The following ZAP70 variants were observed in gnomAD, a reference collection of about 807,000 sequenced individuals.
ZAP70 encodes the protein zeta chain of T cell receptor associated protein kinase 70.
ZAP70 carries 27 observed loss-of-function variants against 65.8 expected under a neutral mutation model. The ratio of observed to expected loss-of-function variants is 0.41; its 90% CI spans 0.30 to 0.57. The LOEUF is 0.57. ZAP70 is among the 20% of genes least tolerant of loss of function. ZAP70 has a pLI of 0.28. For synonymous variants in ZAP70, 363 were observed against 360.8 expected (o/e 1.01, Z -0.07); for missense variants, 696 against 870.5 (o/e 0.80, Z 2.52).
Position 97,737,933 on chromosome 2 carries a change from G to C in ZAP70, c.1623+36G>C, listed in dbSNP as rs1677972850. 7 of 1,614,046 alleles carry C rather than the reference G, an allele frequency of 4.3e-6. No individual in the cohort carries two copies. The East Asian group carries it at 1.3e-4, about 31-fold the overall frequency. On this transcript the variant is annotated intron_variant, in intron 12 of 13. Coordinates refer to ENST00000264972, the MANE Select transcript of ZAP70 (RefSeq NM_001079.4). The surrounding 1 kb of genome is among the most constrained non-coding windows in gnomAD (Gnocchi z 5.0). ...GCAGAGGCAGGTGGGCGGTGTGGTG[G>C]GGAGGGGGATGAGGAGGAGGACACT...
chr2:97,738,462 A>T (rs1573291194), intron 13 of ZAP70: 2 of 359,084 alleles, frequency 5.6e-6, no homozygotes, highest in African/African-American at 2.1e-5. Context: ...CCAGTACCCA[A>T]CACTCCAGTC....
the ZAP70 span, among the ~76,000 whole-genome samples, chr2:97,755,653 C>A: frequency 6.6e-6 from 1 of 152,220 alleles, no homozygotes; most frequent in Admixed American, 6.5e-5. Flanking sequence ...TGCTGTGTTG[C>A]TGCTGGTAAG....
At chr2:97,717,345 GGACATGCGGAGCCTCTGGCTGGGGA>G (rs1245987112) in intron 2 of ZAP70, among the ~76,000 whole-genome samples, 3,692 of 148,412 alleles carry the variant, frequency 0.025, 143 homozygotes, top group African/African-American at 0.076. Context: ...CTGGCTGGGG[GGACATGCGGAGCCTCTGGCTGGGGA>G]GACATGCGGA....
At chr2:97,756,023 T>C in the ZAP70 span, among the ~76,000 whole-genome samples, 2 of 152,248 alleles carry the variant, frequency 1.3e-5, no homozygotes, top group Admixed American at 6.5e-5. Context: ...GCCAGGTACC[T>C]GACAGAGTCA....
intron 3 of ZAP70, chr2:97,724,828 A>C: frequency 2.0e-6 from 3 of 1,516,778 alleles, no homozygotes; most frequent in Non-Finnish European, 2.6e-6. Context: ...CCTGAGTGAC[A>C]CCACCATGCA....
chr2:97,735,705 G>C (rs1166510102), intron 10 of ZAP70, among the ~76,000 whole-genome samples: 1 of 152,218 alleles, frequency 6.6e-6, no homozygotes, highest in Non-Finnish European at 1.5e-5. Flanking sequence ...GATCGAATGA[G>C]TCGGCACCTA....
rs55852368 is a variant in ZAP70, at chr2:97,733,228, G to A, written c.790+16G>A. Reference sequence around the variant, plus strand: ...AACGCCTCAGGTGACGGCAGCAGGCGGGCGGGCGGTGGGCGGGGGCGGCAG... The same window carrying A: ...AACGCCTCAGGTGACGGCAGCAGGCAGGCGGGCGGTGGGCGGGGGCGGCAG... On this transcript the variant is annotated intron_variant, in intron 6 of 13. Coordinates refer to ENST00000264972, the MANE Select transcript of ZAP70 (RefSeq NM_001079.4). 1.4e-5 allele frequency: 22 copies of A among 1,611,168 alleles called. No individual in the cohort carries two copies. The highest frequency in any genetic ancestry group is 2.2e-5 in the South Asian group (2 of 90,892).
rs1257269135 is a variant in ZAP70 at position 97,736,414 on chromosome 2, C to T, written c.1289+958C>T. Among the ~76,000 whole-genome samples, 1 of 152,226 alleles carries T rather than the reference C, an allele frequency of 6.6e-6. No individual in the cohort carries two copies. Among genetic ancestry groups the T allele is most frequent in the African/African-American group, 2.4e-5 (1 of 41,462 alleles). On this transcript the variant is annotated intron_variant, in intron 10 of 13. Coordinates refer to ENST00000264972, the MANE Select transcript of ZAP70 (RefSeq NM_001079.4). This position sits in a 1 kb window ranked among gnomAD's most constrained non-coding sequence, Gnocchi z 4.0. The stretch of plus-strand genomic sequence containing the variant: ...ACCTTCCCAGTGTGCCCCTGGCTCC[C>T]ACATTCAGTCATTTGACAGGTGTTT...
the ZAP70 span, among the ~76,000 whole-genome samples, chr2:97,755,692 C>T: frequency 2.6e-5 from 4 of 152,188 alleles, no homozygotes; most frequent in Non-Finnish European, 4.4e-5. Context: ...AGAGCCCTCC[C>T]CCAGGCTGCC....
At chr2:97,750,422 C>T in the ZAP70 span, among the ~76,000 whole-genome samples, 5 of 152,146 alleles carry the variant, frequency 3.3e-5, no homozygotes, top group South Asian at 2.1e-4. Context: ...GAGGCTGGCT[C>T]AAGAGTGTCT....
Position 97,725,247 on chromosome 2 carries a change from G to A in ZAP70, c.558G>A (p.Lys186=), listed in dbSNP as rs779279138. 2 of 1,612,702 alleles carry A rather than the reference G, an allele frequency of 1.2e-6. No individual in the cohort carries two copies. The highest frequency in any genetic ancestry group is 4.5e-5 in the East Asian group (2 of 44,844). The part of the protein sequence containing the change: ...KLYSGAQTDG[K]FLLRPRKEQG... Reference sequence around the variant, plus strand: ...ACTCTGGGGCGCAGACCGACGGCAAGTTCCTGTATGTGGGGCCCGGGATTT... The same window carrying A: ...ACTCTGGGGCGCAGACCGACGGCAAATTCCTGTATGTGGGGCCCGGGATTT... The change falls in exon 4 of 14, where the codon AAG becomes AAA. Residue 186 remains lysine, a synonymous_variant. Transcript: ENST00000264972.
chr2:97,738,233 C>A, intron 13 of ZAP70, 126 bp downstream of exon 13: 1 of 976,308 alleles, frequency 1.0e-6, no homozygotes, highest in Non-Finnish European at 1.6e-6. Flanking sequence ...CAGTTCATAG[C>A]CTTTGCAGCT....
chr2:97,750,609 C>T, the ZAP70 span, among the ~76,000 whole-genome samples: 13 of 152,288 alleles, frequency 8.5e-5, no homozygotes, highest in South Asian at 1.0e-3. Flanking sequence ...TGTTAGTCCT[C>T]GTAACAGGTC....
chr2:97,750,520 T>A, the ZAP70 span, among the ~76,000 whole-genome samples: 1 of 152,196 alleles, frequency 6.6e-6, no homozygotes, highest in Admixed American at 6.5e-5. Flanking sequence ...ATGAAAGAAA[T>A]GGTGTGCAGT....
downstream of ZAP70, chr2:97,739,994 C>T (rs969863658): frequency 3.8e-5 from 6 of 158,278 alleles, no homozygotes; most frequent in African/African-American, 1.4e-4. Context: ...GGCTGGGTCC[C>T]ACTCTCCACC....
intron 4 of ZAP70, among the ~76,000 whole-genome samples, chr2:97,732,258 C>G (rs554059205): frequency 2.0e-4 from 31 of 152,338 alleles, no homozygotes; most frequent in African/African-American, 7.2e-4. Context: ...ACTGGTCAGT[C>G]TCGTGATGAG....
the ZAP70 span, among the ~76,000 whole-genome samples, chr2:97,755,641 C>A: frequency 6.6e-6 from 1 of 152,246 alleles, no homozygotes; most frequent in Non-Finnish European, 1.5e-5. Flanking sequence ...AGGGGCACTG[C>A]ATGCTGTGTT....
intron 2 of ZAP70, among the ~76,000 whole-genome samples, chr2:97,721,580 A>ATTTTTTTTTTTTTT (rs796509420): frequency 1.6e-3 from 126 of 81,168 alleles, no homozygotes; most frequent in Non-Finnish European, 1.9e-3. Flanking sequence ...TGGCTGGCTG[A>ATTTTTTTTTTTTTT]TTTTTTTTTT....
At chr2:97,729,528 G>A (rs921600138) in intron 4 of ZAP70, among the ~76,000 whole-genome samples, 11 of 152,204 alleles carry the variant, frequency 7.2e-5, no homozygotes, top group African/African-American at 2.7e-4. Flanking sequence ...GAGGAATTTA[G>A]AACCAATATC....
Sources: gnomAD v4.1 joint callset for allele counts (sites outside exome capture counted in the v4.1 genomes callset) on GRCh38, gnomAD v4.1.1 for gene constraint, Gnocchi (gnomAD v3.1) non-coding constraint, MANE v1.5 for transcripts, NCBI Gene and HGNC (gene_info 2026-07-23, HGNC 2026-07-21) for gene names.